RAD50: variants seen among roughly 807,000 people sequenced by gnomAD.
The protein encoded by RAD50 is RAD50 double strand break repair protein.
A neutral mutation model predicts 168.8 loss-of-function variants in RAD50; 132 were observed. That is an observed-to-expected ratio of 0.78 (90% CI 0.68 to 0.90). RAD50 has a LOEUF of 0.90. Ranked by LOEUF, RAD50 falls within the 40% of genes least tolerant of loss-of-function variation. The probability of loss-of-function intolerance (pLI) is 0.00; values close to 1 mark genes in which losing one functional copy is unlikely to be tolerated. For missense variants in RAD50, 1,347 were observed against 1,534.4 expected, an observed-to-expected ratio of 0.88 and a Z score of 2.04; for synonymous variants, 525 against 497.4, an observed-to-expected ratio of 1.06 and a Z score of -0.74.
At chr5:132,575,642 G>A (rs1561634208) in intron 2 of RAD50, 135 bp from the exon 3 acceptor site, 2 of 804,638 alleles carry the variant, frequency 2.5e-6, no homozygotes, top group Non-Finnish European at 2.1e-6. Flanking sequence ...TGGATAGCAT[G>A]TAAAAATATC....
intron 17 of RAD50, 131 bp from the exon 18 acceptor site, chr5:132,608,986 G>A (rs973986576): frequency 1.1e-5 from 15 of 1,358,006 alleles, no homozygotes; most frequent in Admixed American, 1.1e-4. Flanking sequence ...ACTTGTCTGC[G>A]ATCATAAAAT....
In RAD50 at chr5:132,578,204, C is replaced by G. The variant is rs192384572; in HGVS notation, c.366-1113C>G. Among the ~76,000 whole-genome samples, 666 of 152,334 alleles carry G rather than the reference C, an allele frequency of 4.4e-3. 5 individuals are homozygous for G. The highest frequency in any genetic ancestry group is 0.017 in the Middle Eastern group (5 of 294). ...TCAGTCCTTTCTCTTTGACCTCCCC[C>G]CTTAAAAAACCTCCAACAACTTGGT... On this transcript the variant is annotated intron_variant, in intron 3 of 24. Transcript: ENST00000378823.
chr5:132,619,871 G>GAT (rs1265698606), intron 21 of RAD50, among the ~76,000 whole-genome samples: 91 of 84,914 alleles, frequency 1.1e-3, no homozygotes, highest in African/African-American at 3.0e-3. Flanking sequence ...TATATATAAA[G>GAT]ATATATATAT....
chr5:132,560,710 C>G (rs1054174772), intron 2 of RAD50, among the ~76,000 whole-genome samples: 1 of 152,196 alleles, frequency 6.6e-6, no homozygotes, highest in African/African-American at 2.4e-5. Flanking sequence ...CTTATCCACC[C>G]AAGGATTTTG....
chr5:132,584,783 A>T (rs1354479731), intron 5 of RAD50, among the ~76,000 whole-genome samples: 1 of 152,142 alleles, frequency 6.6e-6, no homozygotes, highest in South Asian at 2.1e-4. Context: ...TGATGAGTTC[A>T]TGTCCTTTGT....
intron 19 of RAD50, 65 bp downstream of exon 19, chr5:132,609,461 A>G: frequency 6.3e-7 from 1 of 1,585,472 alleles, no homozygotes; most frequent in Non-Finnish European, 8.6e-7. Flanking sequence ...TTTTATTTTC[A>G]ATAGAAGATC....
chr5:132,599,662 A>G (rs181455581), intron 13 of RAD50, among the ~76,000 whole-genome samples: 101 of 152,024 alleles, frequency 6.6e-4, no homozygotes, highest in Non-Finnish European at 1.3e-3. Context: ...AGCTCAAGCA[A>G]TCCTCCTACC....
At position 132,610,707 on chromosome 5, in the gene RAD50, T is replaced by C. The variant is rs534248708; in HGVS notation, c.3036+1311T>C. On this transcript the variant is annotated intron_variant, in intron 19 of 24. Transcript: ENST00000378823. ...AAATCTCTGCCTGGCCTAATACATA[T>C]TGAATAACTGTATAAATTTATGATG... Among the ~76,000 whole-genome samples, 12 of 152,232 alleles carry C rather than the reference T, an allele frequency of 7.9e-5. No homozygotes were observed. The South Asian group carries it at 1.5e-3, about 18-fold the overall frequency.
At chr5:132,605,463 G>A (rs1361485334) in intron 16 of RAD50, among the ~76,000 whole-genome samples, 1 of 152,124 alleles carries the variant, frequency 6.6e-6, no homozygotes, top group Middle Eastern at 3.4e-3. Flanking sequence ...TCCTGCCTCA[G>A]CCTCTCAAGT....
chr5:132,634,186 A>T (rs974123785), intron 21 of RAD50, among the ~76,000 whole-genome samples: 3 of 152,128 alleles, frequency 2.0e-5, no homozygotes, highest in South Asian at 4.1e-4. Flanking sequence ...GTAATATCAC[A>T]TCTACCATTC....
In RAD50 at chr5:132,604,820, G is replaced by T; in HGVS notation, c.2539G>T (p.Glu847Ter). 6.2e-7 allele frequency: 1 copy of T among 1,610,356 alleles called. No individual in the cohort carries two copies. Among genetic ancestry groups the T allele is most frequent in the Non-Finnish European group, 8.5e-7 (1 of 1,176,946 alleles). The stretch of plus-strand genomic sequence containing the variant: ...TTTTTGTGTAGTTTCTAGTAAGATT[G>T]AATTGAATCGTAAGCTTATACAGGA... ...HKLDTVSSKI[E>*]LNRKLIQDQQ... Residue 847 changes from glutamate (E) to a stop codon, truncating the protein, a stop_gained, in exon 16 of 25, where the codon GAA becomes TAA. Coordinates refer to ENST00000378823, the MANE Select transcript of RAD50 (RefSeq NM_005732.4). LOFTEE classifies it high-confidence loss of function.
chr5:132,573,019 T>G (rs1561633370), intron 2 of RAD50, among the ~76,000 whole-genome samples: 2 of 152,240 alleles, frequency 1.3e-5, no homozygotes. Flanking sequence ...TATCACATTT[T>G]GGAACAACTG....
chr5:132,599,189 G>T (rs1013770081), intron 13 of RAD50, among the ~76,000 whole-genome samples: 1 of 152,160 alleles, frequency 6.6e-6, no homozygotes, highest in Non-Finnish European at 1.5e-5. Flanking sequence ...GCTCAGCTAG[G>T]TTAGCCAGGT....
At position 132,559,440 on chromosome 5, in the gene RAD50, A is replaced by C. The variant is rs104895042; in HGVS notation, c.213+73A>C. On this transcript the variant is annotated intron_variant, in intron 2 of 24. Coordinates refer to ENST00000378823, the MANE Select transcript of RAD50 (RefSeq NM_005732.4). ...AATAGCTTATTATAGAAAACTTGGC[A>C]CTGGAAAACTATAAAGAGAAATGAA... 1 of 1,451,846 alleles carries C rather than the reference A, an allele frequency of 6.9e-7. No individual in the cohort carries two copies. The highest frequency in any genetic ancestry group is 9.4e-7 in the Non-Finnish European group (1 of 1,063,660). The allele number at this position is 1,451,846 out of a possible 1,614,324, so 89.9% of individuals were successfully genotyped here.
rs529288638 is a variant in RAD50, at chr5:132,570,950, G to A, written c.214-4827G>A. ...TCTTCTTTCGCTTAAACACTTAGGG[G>A]CTGTTGTAGGGTTACTAATTGGCCT... On this transcript the variant is annotated intron_variant, in intron 2 of 24. Coordinates refer to ENST00000378823, the MANE Select transcript of RAD50 (RefSeq NM_005732.4). Among the ~76,000 whole-genome samples, 4 of 152,192 alleles carry A rather than the reference G, an allele frequency of 2.6e-5. No homozygotes were observed. In the East Asian group the frequency reaches 7.7e-4, roughly 29 times the overall value.
intron 3 of RAD50, among the ~76,000 whole-genome samples, chr5:132,577,010 A>G (rs762607660): frequency 1.7e-4 from 26 of 152,244 alleles, no homozygotes; most frequent in Non-Finnish European, 7.3e-5. Flanking sequence ...AGAAACCACA[A>G]ACTTAGTGCT....
At chr5:132,609,072 C>T in intron 17 of RAD50, 45 bp from the exon 18 acceptor site, 1 of 1,603,784 alleles carries the variant, frequency 6.2e-7, no homozygotes, top group Middle Eastern at 2.2e-4. Flanking sequence ...CTGTTATGTG[C>T]CCTTAAGTAC....
At chr5:132,568,164 A>G (rs1021511703) in intron 2 of RAD50, among the ~76,000 whole-genome samples, 1 of 151,736 alleles carries the variant, frequency 6.6e-6, no homozygotes, top group East Asian at 1.9e-4. Flanking sequence ...TGTGCCTCCC[A>G]GGTTCAGGCA....
chr5:132,633,105 T>TA (rs1017531952), intron 21 of RAD50, among the ~76,000 whole-genome samples: 1 of 145,588 alleles, frequency 6.9e-6, no homozygotes, highest in Non-Finnish European at 1.5e-5. Flanking sequence ...TTTCTTTTTT[T>TA]TTTTTTTTTT....
Sources: allele counts gnomAD v4.1 joint callset (sites outside exome capture counted in the v4.1 genomes callset), GRCh38; gene constraint gnomAD v4.1.1; transcripts MANE v1.5; gene names NCBI Gene and HGNC (gene_info 2026-07-23, HGNC 2026-07-21).